ZBED4: variants seen among roughly 807,000 people sequenced by gnomAD.
The protein encoded by ZBED4 is zinc finger BED domain-containing protein 4.
In ZBED4, 4 loss-of-function variants were observed where a neutral mutation model predicts 15.5. The observed-to-expected ratio is 0.26, with a 90% confidence interval of 0.13 to 0.59. The LOEUF (loss-of-function observed/expected upper bound fraction) is 0.59. ZBED4 is among the 20% of genes least tolerant of loss of function. The pLI, the probability that ZBED4 is intolerant of heterozygous loss-of-function variation, is 0.90. For synonymous variants in ZBED4, 692 were observed against 608.5 expected, an observed-to-expected ratio of 1.14 and a Z score of -2.02; for missense variants, 1,323 against 1,461.8, an observed-to-expected ratio of 0.91 and a Z score of 1.55.
chr22:49,863,002 A>G (rs562759101), intron 1 of ZBED4, among the ~76,000 whole-genome samples: 20 of 152,004 alleles, frequency 1.3e-4, no homozygotes, highest in Non-Finnish European at 2.5e-4. Flanking sequence ...GCACCCGGCC[A>G]GCCTTTCAGT....
Position 49,883,685 on chromosome 22 carries a change from G to A in ZBED4, c.23G>A (p.Cys8Tyr). Residue 8 changes from cysteine (C) to tyrosine (Y), a missense_variant, in exon 2 of 2, where the codon TGT becomes TAT. Coordinates refer to ENST00000216268, the MANE Select transcript of ZBED4 (RefSeq NM_014838.3). ...GTCATGGAGAATAACTTGAAAACTT[G>A]TCCCAAAGAGGACGGTGATTTCGTT... MENNLKT[C>Y]PKEDGDFVSD... The A allele has an allele frequency of 6.3e-7, 1 of 1,590,584 alleles. No homozygotes were observed. The highest frequency in any genetic ancestry group is 8.6e-7 in the Non-Finnish European group (1 of 1,164,012).
chr22:49,878,182 G>A (rs1315581272), intron 1 of ZBED4, among the ~76,000 whole-genome samples: 1 of 151,430 alleles, frequency 6.6e-6, no homozygotes, highest in Admixed American at 6.6e-5. Flanking sequence ...ACAGGCACCT[G>A]TAATTCCAGC....
chr22:49,887,696 G>A lies in ZBED4; in HGVS notation c.*518G>A, dbSNP rs6009917. On this transcript the variant is annotated 3_prime_UTR_variant, in exon 2 of 2. Coordinates refer to ENST00000216268, the MANE Select transcript of ZBED4 (RefSeq NM_014838.3). ...TTAACCGCAGGTTCTAAAGTGTCCC[G>A]CGGAGTACAGATAATATTCTGGAAG... 8,074 of 168,154 alleles carry A rather than the reference G, an allele frequency of 0.048. 532 individuals carry two copies. Among genetic ancestry groups the A allele is most frequent in the African/African-American group, 0.16 (6,502 of 41,508 alleles). The allele number at this position is 168,154 out of a possible 1,614,324, so 10.4% of individuals were successfully genotyped here. A position where few individuals can be genotyped will look rare whatever the true frequency, so the allele number is the denominator to read the frequency against.
In ZBED4 at chr22:49,887,319, T is replaced by C; in HGVS notation, c.*141T>C. 2.3e-6 allele frequency: 2 copies of C among 858,550 alleles called. No homozygotes were observed. The highest frequency in any genetic ancestry group is 3.6e-6 in the Non-Finnish European group (2 of 562,860). The allele number at this position is 858,550 out of a possible 1,614,324, so 53.2% of individuals were successfully genotyped here. Reference sequence around the variant, plus strand: ...AGGGCCGCTCTCCAGCTCACCACAGTGTCTCCACGTGCCTTACCCCTTCTC... The same window carrying C: ...AGGGCCGCTCTCCAGCTCACCACAGCGTCTCCACGTGCCTTACCCCTTCTC... On this transcript the variant is annotated 3_prime_UTR_variant, in exon 2 of 2. Transcript: ENST00000216268.
At position 49,883,602 on chromosome 22, in the gene ZBED4, A is replaced by G. The variant is rs2060420625; in HGVS notation, c.-61A>G. ...AGATAATCTACATTCGGGGGCACAAATGAGCACTTGGATCAGTGTTTTATG... is the reference window on the plus strand; with the variant it reads ...AGATAATCTACATTCGGGGGCACAAGTGAGCACTTGGATCAGTGTTTTATG... On this transcript the variant is annotated 5_prime_UTR_variant, in exon 2 of 2. It removes an upstream start codon present in the reference 5' UTR. Coordinates refer to ENST00000216268, the MANE Select transcript of ZBED4 (RefSeq NM_014838.3). 1 of 1,467,700 alleles carries G rather than the reference A, an allele frequency of 6.8e-7. No individual in the cohort carries two copies. Among genetic ancestry groups the G allele is most frequent in the Non-Finnish European group, 9.1e-7 (1 of 1,103,786 alleles). The allele number at this position is 1,467,700 out of a possible 1,614,324, so 90.9% of individuals were successfully genotyped here.
At chr22:49,877,817 C>A (rs1207966674) in intron 1 of ZBED4, among the ~76,000 whole-genome samples, 1 of 152,136 alleles carries the variant, frequency 6.6e-6, no homozygotes, top group East Asian at 1.9e-4. Context: ...CCTCGTGGCC[C>A]CTCCTCCCGC....
Position 49,886,719 on chromosome 22 carries a change from G to C in ZBED4, c.3057G>C (p.Glu1019Asp), listed in dbSNP as rs753630887. The change falls in exon 2 of 2, where the codon GAG (glutamate) becomes GAC (aspartate). Residue 1019 changes from glutamate (E) to aspartate (D), a missense_variant. Physicochemically the swap from Glu to Asp is conservative, Grantham distance 45. This residue lies in a region of ZBED4 where 312 missense variants were observed against 410.7 expected (regional missense o/e 0.76). Coordinates refer to ENST00000216268, the MANE Select transcript of ZBED4 (RefSeq NM_014838.3). The surrounding 1 kb of genome is among the most constrained non-coding windows in gnomAD (Gnocchi z 7.7). ...DPRYKASLFT[E>D]EEAEQYKQDL... is the part of the protein sequence containing the mutation. ...GCTACAAGGCCTCCCTGTTTACGGA[G>C]GAGGAGGCGGAGCAGTACAAACAGG... The C allele has an allele frequency of 2.5e-5, 41 of 1,613,302 alleles. No homozygotes were observed. In the Middle Eastern group the frequency reaches 1.3e-3, roughly 52 times the overall value.
intron 1 of ZBED4, among the ~76,000 whole-genome samples, chr22:49,874,156 A>G (rs1367249287): frequency 1.3e-5 from 2 of 152,156 alleles, no homozygotes; most frequent in Admixed American, 6.5e-5. Flanking sequence ...GCAGACTCCC[A>G]TCCAGTGCTG....
rs760804109 is a variant in ZBED4, at chr22:49,887,908, A to C, written c.*730A>C. 1 of 167,232 alleles carries C rather than the reference A, an allele frequency of 6.0e-6. No individual in the cohort carries two copies. Among genetic ancestry groups the C allele is most frequent in the Non-Finnish European group, 1.5e-5 (1 of 68,112 alleles). The allele number at this position is 167,232 out of a possible 1,614,324, so 10.4% of individuals were successfully genotyped here. A position where few individuals can be genotyped will look rare whatever the true frequency, so the allele number is the denominator to read the frequency against. On this transcript the variant is annotated 3_prime_UTR_variant, in exon 2 of 2. Transcript: ENST00000216268. ...ATGTGATCCCTTTGTAACTGTGCTC[A>C]TCACTTCGCCAGTGCGTTCAATGAC... is the stretch of plus-strand genomic sequence containing the variant.
At chr22:49,871,740 A>T (rs115322141) in intron 1 of ZBED4, among the ~76,000 whole-genome samples, 1,242 of 56,012 alleles carry the variant, frequency 0.022, 23 homozygotes, top group African/African-American at 0.051. Context: ...TGGCTGTGAC[A>T]ATTTATTTAT....
intron 1 of ZBED4, among the ~76,000 whole-genome samples, chr22:49,864,705 C>T (rs2147509499): frequency 6.6e-6 from 1 of 151,068 alleles, no homozygotes; most frequent in East Asian, 2.0e-4. Context: ...GGTGTAGTTC[C>T]AGCTACTCAG....
At chr22:49,854,509 G>A (rs975249326) in intron 1 of ZBED4, among the ~76,000 whole-genome samples, 3 of 152,244 alleles carry the variant, frequency 2.0e-5, no homozygotes, top group Non-Finnish European at 4.4e-5. Flanking sequence ...TTCTGGGGAT[G>A]ACCGTTCACA....
intron 1 of ZBED4, among the ~76,000 whole-genome samples, chr22:49,879,648 T>C (rs1161670425): frequency 8.5e-6 from 1 of 118,118 alleles, no homozygotes; most frequent in Non-Finnish European, 1.9e-5. Context: ...GGCGTGTTTC[T>C]ATTGGTTGGT....
intron 1 of ZBED4, among the ~76,000 whole-genome samples, chr22:49,876,818 T>C (rs950879106): frequency 6.6e-6 from 1 of 152,212 alleles, no homozygotes; most frequent in Non-Finnish European, 1.5e-5. Flanking sequence ...AGTAGTGGTA[T>C]TTCCATTTAC....
chr22:49,882,613 C>T (rs1303520347), intron 1 of ZBED4, among the ~76,000 whole-genome samples: 3 of 152,228 alleles, frequency 2.0e-5, no homozygotes, highest in Admixed American at 2.0e-4. Flanking sequence ...CCCCTGTTCT[C>T]CGTCTTGCCC....
chr22:49,874,271 A>G (rs1016124863), intron 1 of ZBED4, among the ~76,000 whole-genome samples: 1 of 152,158 alleles, frequency 6.6e-6, no homozygotes, highest in African/African-American at 2.4e-5. Flanking sequence ...GTTTCCTTCC[A>G]TTCCTGGTTT....
Position 49,883,737 on chromosome 22 carries a change from A to G in ZBED4, c.75A>G (p.Glu25=). 6.2e-7 allele frequency: 1 copy of G among 1,611,562 alleles called. No homozygotes were observed. Among genetic ancestry groups the G allele is most frequent in the South Asian group, 1.1e-5 (1 of 91,012 alleles). The change falls in exon 2 of 2, where the codon GAA becomes GAG. Residue 25 remains glutamate (E), a synonymous_variant. Transcript: ENST00000216268. ...FVSDKIKFKI[E]EEDDDGIPPD... Reference sequence around the variant, plus strand: ...CTGATAAAATAAAGTTTAAAATAGAAGAGGAAGATGATGATGGAATTCCTC... The same window carrying G: ...CTGATAAAATAAAGTTTAAAATAGAGGAGGAAGATGATGATGGAATTCCTC...
chr22:49,864,531 T>G (rs5770727), intron 1 of ZBED4, among the ~76,000 whole-genome samples: 113,307 of 152,076 alleles, frequency 0.75, 44,787 homozygotes, highest in East Asian at 0.91. Context: ...AATACCTGAT[T>G]GGAGCCTGGG....
intron 1 of ZBED4, among the ~76,000 whole-genome samples, chr22:49,859,746 C>T (rs1281047010): frequency 6.6e-6 from 1 of 152,182 alleles, no homozygotes; most frequent in East Asian, 1.9e-4. Flanking sequence ...TGTAGTTTTG[C>T]GGGGTGTGGT....
Sources: gnomAD v4.1 joint callset for allele counts (sites outside exome capture counted in the v4.1 genomes callset) on GRCh38, gnomAD v4.1.1 for gene constraint, gnomAD v4.1.1 regional missense constraint, Gnocchi (gnomAD v3.1) non-coding constraint, MANE v1.5 for transcripts, NCBI Gene and HGNC (gene_info 2026-07-23, HGNC 2026-07-21) for gene names.